The following SCNN1G variants were observed in gnomAD, a reference collection of about 807,000 sequenced individuals.
SCNN1G encodes the protein epithelial sodium channel subunit gamma.
In SCNN1G, 27 loss-of-function variants were observed where a neutral mutation model predicts 64.6. The observed-to-expected ratio is 0.42, with a 90% CI of 0.31 to 0.58. The LOEUF (loss-of-function observed/expected upper bound fraction) is 0.58, where lower values mean the gene tolerates loss of function less well. Among genes scored for constraint, SCNN1G ranks in the 20% least tolerant of loss-of-function variants. The pLI is 0.18. For missense variants in SCNN1G, 743 were observed against 823.4 expected (o/e 0.90, Z 1.19); for synonymous variants, 330 against 314.2 (o/e 1.05, Z -0.53).
At chr16:23,204,334 T>TAG (rs755322105) in intron 6 of SCNN1G, among the ~76,000 whole-genome samples, 345 of 15,132 alleles carry the variant, frequency 0.023, 25 homozygotes, top group Admixed American at 0.029. Flanking sequence ...TATATATATA[T>TAG]AGAGAGAGAG....
Position 23,186,218 on chromosome 16 carries a change from G to T in SCNN1G, c.-44-10G>T. 6.4e-7 allele frequency: 1 copy of T among 1,574,228 alleles called. No homozygotes were observed. The highest frequency in any genetic ancestry group is 1.7e-5 in the Admixed American group (1 of 59,826). On this transcript the variant is annotated splice_polypyrimidine_tract_variant and intron_variant, in intron 1 of 12. Coordinates refer to ENST00000300061, the MANE Select transcript of SCNN1G (RefSeq NM_001039.4). The stretch of plus-strand genomic sequence containing the variant: ...GCCAGCTCACCTGCTTCTCTTCTTT[G>T]CCCCTCCAGCACGCCCGTCCTCAGA...
chr16:23,201,375 C>T (rs1431603517), intron 6 of SCNN1G, among the ~76,000 whole-genome samples: 2 of 152,182 alleles, frequency 1.3e-5, no homozygotes. Flanking sequence ...GAAATACCCA[C>T]CACATTGTTA....
intron 6 of SCNN1G, among the ~76,000 whole-genome samples, chr16:23,204,288 C>CATATATATATATAT (rs59288460): frequency 1.4e-4 from 2 of 14,172 alleles, no homozygotes; most frequent in Non-Finnish European, 1.1e-4. Context: ...CAAATATATA[C>CATATATATATATAT]ATATATATAT....
At chr16:23,183,314 G>T (rs1959552316) in intron 1 of SCNN1G, among the ~76,000 whole-genome samples, 1 of 152,232 alleles carries the variant, frequency 6.6e-6, no homozygotes, top group Non-Finnish European at 1.5e-5. Flanking sequence ...CTCGCTCCGC[G>T]CAGGGAGGGC....
chr16:23,189,415 C>G lies in SCNN1G; in HGVS notation c.362C>G (p.Thr121Ser). The change falls in exon 3 of 13, where the codon ACC becomes AGC. Residue 121 changes from threonine to serine, a missense_variant. Transcript: ENST00000300061. ...CTTCTAGCTGACTTGGAACAGGAGA[C>G]CAGAGAGGCCCTGAAGTCCCTGTAT... ...RHLLADLEQE[T>S]REALKSLYGF... 4 of 1,614,138 alleles carry G rather than the reference C, an allele frequency of 2.5e-6. No homozygotes were observed. Among genetic ancestry groups the G allele is most frequent in the African/African-American group, 1.3e-5 (1 of 75,038 alleles).
At chr16:23,197,050 C>T (rs1959806919) in intron 5 of SCNN1G, among the ~76,000 whole-genome samples, 1 of 152,144 alleles carries the variant, frequency 6.6e-6, no homozygotes, top group Non-Finnish European at 1.5e-5. Flanking sequence ...GTGTTTGAAC[C>T]CCTGTTTTGG....
rs1235839162 is a variant in SCNN1G at position 23,215,406 on chromosome 16, C to T, written c.1887C>T (p.Thr629=). Residue 629 remains threonine (T), a synonymous_variant, in exon 13 of 13, where the codon ACC becomes ACT. Coordinates refer to ENST00000300061, the MANE Select transcript of SCNN1G (RefSeq NM_001039.4). ...GCACACCGCCCCCCAAATACAATAC[C>T]TTGCGCTTGGAGAGGGCCTTTTCCA... ...VPGTPPPKYN[T]LRLERAFSNQ... 4.3e-6 allele frequency: 7 copies of T among 1,614,046 alleles called. No homozygotes were observed. Among genetic ancestry groups the T allele is most frequent in the Non-Finnish European group, 5.9e-6 (7 of 1,180,042 alleles).
chr16:23,211,490 C>A (rs1186784515), intron 7 of SCNN1G, among the ~76,000 whole-genome samples: 1 of 152,216 alleles, frequency 6.6e-6, no homozygotes, highest in Non-Finnish European at 1.5e-5. Context: ...CCAGCTCAGC[C>A]CCATCTCCAT....
chr16:23,205,186 C>G (rs1056011672), intron 6 of SCNN1G, among the ~76,000 whole-genome samples: 1 of 152,140 alleles, frequency 6.6e-6, no homozygotes, highest in Non-Finnish European at 1.5e-5. Flanking sequence ...CAGACTTGTT[C>G]GGATCCAAGC....
At chr16:23,194,141 C>T in intron 4 of SCNN1G, 30 bp from the exon 5 acceptor site, 2 of 1,469,902 alleles carry the variant, frequency 1.4e-6, no homozygotes, top group Non-Finnish European at 1.9e-6. Flanking sequence ...TGGGGGAGAT[C>T]CCTTTCTGAC....
chr16:23,212,363 C>T (rs576655943), intron 8 of SCNN1G, among the ~76,000 whole-genome samples: 6 of 152,278 alleles, frequency 3.9e-5, no homozygotes, highest in South Asian at 4.1e-4. Flanking sequence ...GAGGTAGGAA[C>T]GGTGGATATT....
chr16:23,185,786 T>C (rs995952291), intron 1 of SCNN1G, among the ~76,000 whole-genome samples: 10 of 152,176 alleles, frequency 6.6e-5, no homozygotes, highest in Non-Finnish European at 1.0e-4. Context: ...GACACTGTGC[T>C]AGGAACCAGG....
At chr16:23,209,638 C>T (rs1960046505) in intron 6 of SCNN1G, 112 bp from the exon 7 acceptor site, 1 of 789,892 alleles carries the variant, frequency 1.3e-6, no homozygotes, top group Non-Finnish European at 2.3e-6. Context: ...GACCAAATAG[C>T]TTCTCAGCTC....
At chr16:23,206,421 A>T (rs1172119152) in intron 6 of SCNN1G, among the ~76,000 whole-genome samples, 1 of 152,172 alleles carries the variant, frequency 6.6e-6, no homozygotes, top group Non-Finnish European at 1.5e-5. Flanking sequence ...CTCTGCTGCC[A>T]TCTGGGCTTT....
At chr16:23,204,574 A>G (rs1959960494) in intron 6 of SCNN1G, among the ~76,000 whole-genome samples, 2 of 149,286 alleles carry the variant, frequency 1.3e-5, no homozygotes, top group Admixed American at 1.4e-4. Flanking sequence ...GATACTATTA[A>G]TAATTATACA....
At chr16:23,203,769 C>CA (rs71151702) in intron 6 of SCNN1G, among the ~76,000 whole-genome samples, 32,644 of 42,230 alleles carry the variant, frequency 0.77, 14,332 homozygotes, top group Middle Eastern at 0.89. Context: ...GACTCCGTCT[C>CA]AAAAAAAAAA....
At chr16:23,203,769 C>CAAAAAA (rs71151702) in intron 6 of SCNN1G, among the ~76,000 whole-genome samples, 1 of 42,268 alleles carries the variant, frequency 2.4e-5, no homozygotes, top group Non-Finnish European at 3.6e-5. Flanking sequence ...GACTCCGTCT[C>CAAAAAA]AAAAAAAAAA....
intron 6 of SCNN1G, among the ~76,000 whole-genome samples, chr16:23,204,830 G>A (rs944319740): frequency 3.3e-5 from 5 of 151,606 alleles, no homozygotes; most frequent in African/African-American, 4.8e-5. Context: ...TTTTTTCACC[G>A]GGTACAGTGG....
Position 23,216,014 on chromosome 16 carries a change from C to A in SCNN1G, c.*545C>A. ...ACACTGGAGAAAGGTGTCCTCCATG[C>A]CCTCAGGCAGCAGAGAACTGGCCCA... On this transcript the variant is annotated 3_prime_UTR_variant, in exon 13 of 13. Coordinates refer to ENST00000300061, the MANE Select transcript of SCNN1G (RefSeq NM_001039.4). The A allele has an allele frequency of 5.3e-6, 1 of 187,968 alleles. No individual in the cohort carries two copies. Among genetic ancestry groups the A allele is most frequent in the South Asian group, 1.1e-4 (1 of 8,780 alleles). The allele number at this position is 187,968 out of a possible 1,614,324, so 11.6% of individuals were successfully genotyped here. A position where few individuals can be genotyped will look rare whatever the true frequency, so the allele number is the denominator to read the frequency against.
Sources: gnomAD v4.1 joint callset for allele counts (sites outside exome capture counted in the v4.1 genomes callset) on GRCh38, gnomAD v4.1.1 for gene constraint, MANE v1.5 for transcripts, NCBI Gene and HGNC (gene_info 2026-07-23, HGNC 2026-07-21) for gene names.